Variants in SETD5 observed in about 807,000 individuals in gnomAD.
The protein encoded by SETD5 is SET domain containing 5.
SETD5 carries 44 observed loss-of-function variants against 153.3 expected under a neutral mutation model. The ratio of observed to expected loss-of-function variants is 0.29; its 90% confidence interval spans 0.23 to 0.37. SETD5 has a LOEUF of 0.37. Among genes scored for constraint, SETD5 ranks in the 10% least tolerant of loss-of-function variants. SETD5 has a pLI of 1.00. For synonymous variants in SETD5, 716 were observed against 645.2 expected, an observed-to-expected ratio of 1.11 and a Z score of -1.66; for missense variants, 1,544 against 1,768.0, an observed-to-expected ratio of 0.87 and a Z score of 2.27.
intron 8 of SETD5, among the ~76,000 whole-genome samples, 179 bp from the exon 9 acceptor site, chr3:9,441,413 GC>G (rs1446168774): frequency 5.4e-5 from 8 of 149,360 alleles, no homozygotes; most frequent in Non-Finnish European, 1.0e-4. Flanking sequence ...ACTAGATGTA[GC>G]ATGTCTCTTA....
chr3:9,433,328 A>G, intron 3 of SETD5: 3 of 1,255,026 alleles, frequency 2.4e-6, no homozygotes, highest in Non-Finnish European at 3.1e-6. Flanking sequence ...GAGAGGTATG[A>G]TAAATATAAG....
chr3:9,429,855 A>G, intron 3 of SETD5: 1 of 1,303,738 alleles, frequency 7.7e-7, no homozygotes, highest in Non-Finnish European at 1.0e-6. Flanking sequence ...CTACCTTTCA[A>G]GACGAAGTGG....
At position 9,441,668 on chromosome 3, in the gene SETD5, A is replaced by G. The variant is rs1190090777; in HGVS notation, c.886A>G (p.Thr296Ala). ...LRAARDLALD[T>A]LIIEYRGKVM... ...GGCTGCAAGAGATTTGGCTTTGGAC[A>G]CTCTTATAATAGAGTATCGTGGGAA... The change falls in exon 9 of 23, where the codon ACT becomes GCT. Residue 296 changes from threonine to alanine, a missense_variant. Thr to Ala is a moderately conservative substitution (Grantham distance 58, BLOSUM62 0). Transcript: ENST00000402198. The G allele has an allele frequency of 2.5e-6, 4 of 1,613,948 alleles. No homozygotes were observed. The highest frequency in any genetic ancestry group is 1.7e-5 in the Admixed American group (1 of 60,018).
chr3:9,467,317 A>G (rs1004112608), intron 18 of SETD5, among the ~76,000 whole-genome samples: 6 of 152,060 alleles, frequency 3.9e-5, no homozygotes, highest in Non-Finnish European at 8.8e-5. Flanking sequence ...TAAGGGGAAG[A>G]AGGTAAGAAG....
At chr3:9,436,296 G>GT (rs2040561016) in intron 7 of SETD5, among the ~76,000 whole-genome samples, 1 of 152,002 alleles carries the variant, frequency 6.6e-6, no homozygotes, top group Non-Finnish European at 1.5e-5. Flanking sequence ...TGGGTTGATT[G>GT]TTTTTCCTTG....
chr3:9,454,622 CAAAAAAAAAAAA>C (rs67028533), intron 17 of SETD5, among the ~76,000 whole-genome samples: 6,140 of 58,662 alleles, frequency 0.1, 242 homozygotes, highest in Non-Finnish European at 0.15. Context: ...AACTCCGTCT[CAAAAAAAAAAAA>C]AAAAAAAAAA....
chr3:9,451,490 A>G (rs1441995371), intron 16 of SETD5, among the ~76,000 whole-genome samples: 1 of 152,186 alleles, frequency 6.6e-6, no homozygotes, highest in Non-Finnish European at 1.5e-5. Context: ...ACTGTTGTCC[A>G]GGCTGGAGTG....
intron 17 of SETD5, among the ~76,000 whole-genome samples, chr3:9,460,412 A>T (rs2043814642): frequency 6.6e-6 from 1 of 151,858 alleles, no homozygotes; most frequent in Non-Finnish European, 1.5e-5. Flanking sequence ...ATTTCATCTA[A>T]CACCAATCAA....
intron 3 of SETD5, chr3:9,431,396 A>G (rs2039948155): frequency 3.0e-6 from 3 of 984,072 alleles, no homozygotes; most frequent in African/African-American, 1.7e-5. Flanking sequence ...TTACATTTGC[A>G]TAAAGTGGTT....
At chr3:9,413,411 A>G (rs2036895384) in intron 1 of SETD5, among the ~76,000 whole-genome samples, 1 of 152,184 alleles carries the variant, frequency 6.6e-6, no homozygotes. Flanking sequence ...TATAAATATC[A>G]GACCATATTT....
chr3:9,463,631 A>G (rs1027183938), intron 17 of SETD5, among the ~76,000 whole-genome samples: 1 of 152,218 alleles, frequency 6.6e-6, no homozygotes, highest in African/African-American at 2.4e-5. Context: ...TGTAGAAATC[A>G]TTTCATGCTT....
intron 1 of SETD5, among the ~76,000 whole-genome samples, chr3:9,420,548 T>C (rs1414552676): frequency 6.6e-6 from 1 of 152,180 alleles, no homozygotes; most frequent in Non-Finnish European, 1.5e-5. Flanking sequence ...GTAGAAGAGA[T>C]GGGAGAAAAG....
rs1029056292 is a variant in SETD5 at position 9,445,717 on chromosome 3, G to A, written c.1501G>A (p.Glu501Lys). The A allele has an allele frequency of 1.9e-6, 3 of 1,613,306 alleles. No homozygotes were observed. The highest frequency in any genetic ancestry group is 1.3e-5 in the African/African-American group (1 of 74,868). The change falls in exon 13 of 23, where the codon GAG (glutamate) becomes AAG (lysine). Residue 501 changes from glutamate (E) to lysine (K), a missense_variant. Glu to Lys is a moderately conservative substitution (Grantham distance 56). Transcript: ENST00000402198. ...EEKEEVIDDQ[E>K]NLAHSRRTRE... ...GAAAGAAGAGGTTATAGATGACCAG[G>A]AGAACCTAGCTCATAGCAGGAGGGT...
intron 11 of SETD5, among the ~76,000 whole-genome samples, chr3:9,444,060 T>TA (rs950585792): frequency 1.6e-4 from 24 of 151,272 alleles, no homozygotes; most frequent in African/African-American, 3.6e-4. Context: ...GACTCTGTCT[T>TA]AAAAAAAAAG....
intron 1 of SETD5, among the ~76,000 whole-genome samples, chr3:9,414,407 T>G (rs1047028079): frequency 1.2e-4 from 19 of 152,066 alleles, no homozygotes; most frequent in African/African-American, 4.6e-4. Flanking sequence ...GTTGTTGTTG[T>G]TAAGAATTCG....
intron 1 of SETD5, among the ~76,000 whole-genome samples, chr3:9,404,245 T>G (rs1012110155): frequency 1.1e-4 from 17 of 152,206 alleles, no homozygotes; most frequent in African/African-American, 4.1e-4. Flanking sequence ...TTTTAACCGA[T>G]TAATAACCAA....
In SETD5 at chr3:9,448,435, C is replaced by T; in HGVS notation, c.2151C>T (p.Cys717=). 6.2e-7 allele frequency: 1 copy of T among 1,613,982 alleles called. No individual in the cohort carries two copies. Among genetic ancestry groups the T allele is most frequent in the East Asian group, 2.2e-5 (1 of 44,884 alleles). The change falls in exon 16 of 23, where the codon TGC becomes TGT. Residue 717 remains cysteine, a synonymous_variant. Transcript: ENST00000402198. ...WLNDKAEKQE[C]PVECPLRITT... ...ATGACAAAGCAGAGAAGCAAGAGTG[C>T]CCTGTTGAGTGCCCTTTACGTATCA... is the stretch of plus-strand genomic sequence containing the variant.
At chr3:9,420,453 T>C (rs1406204949) in intron 1 of SETD5, among the ~76,000 whole-genome samples, 2 of 152,164 alleles carry the variant, frequency 1.3e-5, no homozygotes, top group Admixed American at 1.3e-4. Flanking sequence ...AGATTTCTTA[T>C]AGACATCGGT....
intron 7 of SETD5, among the ~76,000 whole-genome samples, chr3:9,437,155 C>G (rs766586744): frequency 1.3e-5 from 2 of 152,082 alleles, no homozygotes; most frequent in African/African-American, 2.4e-5. Context: ...TTTTTCCAAA[C>G]AAAATGAGGC....
Sources: allele counts gnomAD v4.1 joint callset (sites outside exome capture counted in the v4.1 genomes callset), GRCh38; gene constraint gnomAD v4.1.1; transcripts MANE v1.5; gene names NCBI Gene and HGNC (gene_info 2026-07-23, HGNC 2026-07-21).